Variants in MEGF10 observed in about 807,000 individuals in gnomAD.
MEGF10 encodes the protein multiple EGF like domains 10.
Under a neutral mutation model 147.5 loss-of-function variants are expected in MEGF10, and 86 were observed. That is an observed-to-expected ratio of 0.58 (90% confidence interval 0.49 to 0.70). The LOEUF (loss-of-function observed/expected upper bound fraction) is 0.70, where lower values mean the gene tolerates loss of function less well. MEGF10 is among the 30% of genes least tolerant of loss of function. The probability of loss-of-function intolerance (pLI) is 0.00; values close to 1 mark genes in which losing one functional copy is unlikely to be tolerated. For synonymous variants in MEGF10, 478 were observed against 525.5 expected (o/e 0.91, Z 1.24); for missense variants, 1,329 against 1,487.3 (o/e 0.89, Z 1.75).
intron 1 of MEGF10, among the ~76,000 whole-genome samples, chr5:127,312,788 G>A (rs1411930242): frequency 6.6e-6 from 1 of 151,914 alleles, no homozygotes; most frequent in Non-Finnish European, 1.5e-5. Flanking sequence ...GACTCTCTTA[G>A]GTTCAATTTT....
chr5:127,356,378 T>C (rs1762282339), intron 4 of MEGF10, among the ~76,000 whole-genome samples: 1 of 152,168 alleles, frequency 6.6e-6, no homozygotes, highest in Non-Finnish European at 1.5e-5. Flanking sequence ...CAGACCTATA[T>C]TGCTTATTGA....
Position 127,460,452 on chromosome 5 carries a change from T to C in MEGF10, c.*3134T>C, listed in dbSNP as rs1438814457. On this transcript the variant is annotated 3_prime_UTR_variant, in exon 25 of 25. Coordinates refer to ENST00000503335, the MANE Select transcript of MEGF10 (RefSeq NM_001256545.2). ...TAGCATTATCTTTATGGAATTTATA[T>C]TCACCAATTTCAGGAAAACCAACCA... 6.6e-6 allele frequency: 1 copy of C among 152,166 alleles called. No individual in the cohort carries two copies. The highest frequency in any genetic ancestry group is 1.5e-5 in the Non-Finnish European group (1 of 68,014). The allele number at this position is 152,166 out of a possible 1,614,324, so 9.4% of individuals were successfully genotyped here. A position where few individuals can be genotyped will look rare whatever the true frequency, so the allele number is the denominator to read the frequency against.
chr5:127,360,715 A>G (rs1762440755), intron 4 of MEGF10, among the ~76,000 whole-genome samples: 1 of 151,928 alleles, frequency 6.6e-6, no homozygotes, highest in South Asian at 2.1e-4. Flanking sequence ...TGCTTGCTAA[A>G]TGCAGGCATC....
intron 5 of MEGF10, among the ~76,000 whole-genome samples, chr5:127,388,055 A>G (rs1482537464): frequency 2.6e-5 from 4 of 152,190 alleles, no homozygotes; most frequent in African/African-American, 7.2e-5. Context: ...CAGGTACTAC[A>G]TGGGCCTAAT....
chr5:127,306,952 T>A (rs1002520373), intron 1 of MEGF10, among the ~76,000 whole-genome samples: 1 of 152,202 alleles, frequency 6.6e-6, no homozygotes, highest in African/African-American at 2.4e-5. Context: ...GTAATTTTTT[T>A]AATGTTTTCT....
intron 20 of MEGF10, 92 bp downstream of exon 20, chr5:127,445,785 T>C (rs1354197915): frequency 3.3e-6 from 3 of 896,654 alleles, no homozygotes; most frequent in Non-Finnish European, 5.5e-6. Flanking sequence ...GTGCTGTCCA[T>C]TGTTTCTGTC....
chr5:127,310,634 G>T (rs1340495675), intron 1 of MEGF10, among the ~76,000 whole-genome samples: 3 of 151,958 alleles, frequency 2.0e-5, no homozygotes, highest in Non-Finnish European at 2.9e-5. Context: ...CTTGGGAATT[G>T]GTTGATTCCA....
chr5:127,259,761 C>T, the MEGF10 span, among the ~76,000 whole-genome samples: 7 of 152,046 alleles, frequency 4.6e-5, no homozygotes, highest in Admixed American at 4.6e-4. Context: ...GAGAGACTGC[C>T]GTGTCATGGT....
intron 4 of MEGF10, among the ~76,000 whole-genome samples, chr5:127,359,229 C>T (rs747300311): frequency 6.6e-6 from 1 of 151,930 alleles, no homozygotes; most frequent in Non-Finnish European, 1.5e-5. Context: ...TGATGACAGA[C>T]TCTTAGTTAA....
chr5:127,362,688 T>C (rs1762522157), intron 4 of MEGF10, among the ~76,000 whole-genome samples: 1 of 152,158 alleles, frequency 6.6e-6, no homozygotes, highest in Non-Finnish European at 1.5e-5. Context: ...TTATCAAGTG[T>C]GTTTCTTGTA....
intron 9 of MEGF10, among the ~76,000 whole-genome samples, chr5:127,413,262 CT>C (rs1197688578): frequency 6.6e-6 from 1 of 152,046 alleles, no homozygotes; most frequent in East Asian, 1.9e-4. Flanking sequence ...TGAAAACTAA[CT>C]GTTATGGTGG....
At chr5:127,284,966 A>T in the MEGF10 span, among the ~76,000 whole-genome samples, 26 of 152,332 alleles carry the variant, frequency 1.7e-4, no homozygotes, top group African/African-American at 6.0e-4. Flanking sequence ...AACAAATGAG[A>T]ATATCTCTGG....
rs183593088 is a variant in MEGF10 at position 127,304,954 on chromosome 5, A to G, written c.-19+13898A>G. ...GAAATAAATTTCTACTGGCTAAGCCACCCTGTCTATGGTATTTTGTTAACA... is the reference window on the plus strand; with the variant it reads ...GAAATAAATTTCTACTGGCTAAGCCGCCCTGTCTATGGTATTTTGTTAACA... On this transcript the variant is annotated intron_variant, in intron 1 of 24. Coordinates refer to ENST00000503335, the MANE Select transcript of MEGF10 (RefSeq NM_001256545.2). Among the ~76,000 whole-genome samples the G allele has an allele frequency of 4.8e-3, 725 of 152,290 alleles. 1 individual carries two copies. The highest frequency in any genetic ancestry group is 0.017 in the African/African-American group (690 of 41,546).
At chr5:127,431,221 A>G (rs1765378666) in intron 13 of MEGF10, among the ~76,000 whole-genome samples, 1 of 152,234 alleles carries the variant, frequency 6.6e-6, no homozygotes, top group African/African-American at 2.4e-5. Flanking sequence ...AGAATAAGTT[A>G]TGAAAGAGAG....
chr5:127,353,181 GGCT>G (rs1277430828), intron 4 of MEGF10, among the ~76,000 whole-genome samples: 6 of 152,318 alleles, frequency 3.9e-5, no homozygotes, highest in Admixed American at 1.3e-4. Context: ...ATATGTGAAT[GGCT>G]TGACCTATGG....
chr5:127,363,232 G>A (rs544111538), intron 4 of MEGF10, among the ~76,000 whole-genome samples: 8 of 152,242 alleles, frequency 5.3e-5, no homozygotes, highest in South Asian at 2.1e-4. Flanking sequence ...CTGAAAGATC[G>A]TTCAAAAGAG....
intron 4 of MEGF10, among the ~76,000 whole-genome samples, chr5:127,355,849 A>ATT (rs368752936): frequency 6.8e-6 from 1 of 147,912 alleles, no homozygotes; most frequent in African/African-American, 2.5e-5. Context: ...TCTGCTGCCT[A>ATT]TTTTTTTTTT....
chr5:127,276,091 T>C, the MEGF10 span, among the ~76,000 whole-genome samples: 1 of 152,342 alleles, frequency 6.6e-6, no homozygotes, highest in African/African-American at 2.4e-5. Flanking sequence ...TATAACCATA[T>C]AAACATAACT....
chr5:127,385,968 C>T (rs978446883), intron 5 of MEGF10, among the ~76,000 whole-genome samples: 1 of 152,130 alleles, frequency 6.6e-6, no homozygotes, highest in African/African-American at 2.4e-5. Flanking sequence ...ATCATCTGGG[C>T]ATGGTAGCAT....
Sources: gnomAD v4.1 joint callset for allele counts (sites outside exome capture counted in the v4.1 genomes callset) on GRCh38, gnomAD v4.1.1 for gene constraint, MANE v1.5 for transcripts, NCBI Gene and HGNC (gene_info 2026-07-23, HGNC 2026-07-21) for gene names.